The following ENDOV variants were observed in gnomAD, a reference collection of about 807,000 sequenced individuals.
The protein encoded by ENDOV is endonuclease V, also known as hEndoV.
Under a neutral mutation model 39.4 loss-of-function variants are expected in ENDOV, and 37 were observed. That is an observed-to-expected ratio of 0.94 (90% CI 0.72 to 1.23). The LOEUF (loss-of-function observed/expected upper bound fraction) is 1.23, where lower values mean the gene tolerates loss of function less well. ENDOV is among the 50% of genes most tolerant of loss of function. ENDOV has a pLI of 0.00. For synonymous variants in ENDOV, 186 were observed against 163.4 expected (o/e 1.14, Z -1.05); for missense variants, 441 against 375.7 (o/e 1.17, Z -1.44).
chr17:80,428,594 A>T lies in ENDOV; in HGVS notation c.715-2A>T. The T allele has an allele frequency of 1.3e-6, 2 of 1,579,556 alleles. No homozygotes were observed. Among genetic ancestry groups the T allele is most frequent in the South Asian group, 2.3e-5 (2 of 86,024 alleles). On this transcript the variant is annotated splice_acceptor_variant, in intron 7 of 9. Transcript: ENST00000518137. LOFTEE classifies it high-confidence loss of function. ...ACCCAGCAGCACGTCTGTCTCCCCCAGGCTGACATCTGCTCCCGAGAGCAC... is the reference window on the plus strand; with the variant it reads ...ACCCAGCAGCACGTCTGTCTCCCCCTGGCTGACATCTGCTCCCGAGAGCAC...
intron 2 of ENDOV, chr17:80,418,351 G>A (rs1037437664): frequency 5.9e-4 from 90 of 152,324 alleles, no homozygotes; most frequent in African/African-American, 2.1e-3. Context: ...TCTGCATCCT[G>A]GGCCTCTTTT....
At chr17:80,435,168 T>C (rs924457502) in intron 9 of ENDOV, among the ~76,000 whole-genome samples, 2 of 152,208 alleles carry the variant, frequency 1.3e-5, no homozygotes, top group African/African-American at 2.4e-5. Flanking sequence ...TTTACAAATA[T>C]TTTTTCCTGT....
At chr17:80,425,341 GGGT>G in intron 6 of ENDOV, 148 bp from the exon 7 acceptor site, 2 of 1,209,458 alleles carry the variant, frequency 1.7e-6, no homozygotes, top group Non-Finnish European at 2.3e-6. Flanking sequence ...GGCGCCCTGA[GGGT>G]GGGCAGGCCC....
chr17:80,435,340 T>C (rs138522430), intron 9 of ENDOV, among the ~76,000 whole-genome samples: 91 of 152,352 alleles, frequency 6.0e-4, no homozygotes, highest in African/African-American at 2.0e-3. Context: ...TTCTAAGAAA[T>C]GTATAGTTTT....
intron 9 of ENDOV, 101 bp from the exon 10 acceptor site, chr17:80,436,032 G>A: frequency 1.5e-6 from 2 of 1,345,750 alleles, no homozygotes; most frequent in Non-Finnish European, 2.1e-6. Context: ...TGAGATTACA[G>A]GCGCGAGCCA....
intron 2 of ENDOV, among the ~76,000 whole-genome samples, chr17:80,421,259 G>GGTCCC (rs2081978905): frequency 6.7e-6 from 1 of 148,258 alleles, no homozygotes. Flanking sequence ...CTATGAACTA[G>GGTCCC]ATCCCGGGGA....
intron 2 of ENDOV, chr17:80,419,586 T>G: frequency 2.8e-6 from 2 of 702,948 alleles, no homozygotes; most frequent in Non-Finnish European, 5.2e-6. Context: ...CATCGATCAG[T>G]TCTGCCTTCA....
intron 9 of ENDOV, among the ~76,000 whole-genome samples, chr17:80,433,648 C>T (rs1000536666): frequency 5.9e-5 from 9 of 152,222 alleles, no homozygotes; most frequent in African/African-American, 1.9e-4. Flanking sequence ...ATGTGGTAGG[C>T]TTTGCACAAA....
chr17:80,427,019 C>G (rs941936526), intron 7 of ENDOV, among the ~76,000 whole-genome samples: 1 of 152,226 alleles, frequency 6.6e-6, no homozygotes, highest in African/African-American at 2.4e-5. Context: ...ACCTTCGGGC[C>G]GGGGCCTTCC....
intron 8 of ENDOV, among the ~76,000 whole-genome samples, chr17:80,429,380 G>C (rs1269127852): frequency 6.6e-6 from 1 of 152,226 alleles, no homozygotes; most frequent in Admixed American, 6.5e-5. Flanking sequence ...TCCAGGCTGA[G>C]AGGACACCCC....
At chr17:80,428,022 CG>C (rs2082936118) in intron 7 of ENDOV, among the ~76,000 whole-genome samples, 1 of 152,218 alleles carries the variant, frequency 6.6e-6, no homozygotes, top group Admixed American at 6.5e-5. Flanking sequence ...CCCATGCCCC[CG>C]GGGGTTCCCA....
chr17:80,430,120 G>A (rs1457781952), intron 9 of ENDOV: 2 of 1,531,146 alleles, frequency 1.3e-6, no homozygotes, highest in Non-Finnish European at 1.7e-6. Context: ...ACCAGGTGGG[G>A]CAGAGGTGAC....
chr17:80,436,469 GT>G lies in ENDOV; in HGVS notation c.*331del. 7 of 900,500 alleles carry G rather than the reference GT, an allele frequency of 7.8e-6. No homozygotes were observed. The highest frequency in any genetic ancestry group is 1.8e-5 in the South Asian group (1 of 56,686). 55.8% of individuals were successfully genotyped at this position (900,500 alleles called of 1,614,324 possible). ...CCCTTCTAGTCCTAATTTGTTAAGT[GT>G]TTTTATCCTTAAAGGGTACTGGATT... On this transcript the variant is annotated 3_prime_UTR_variant, in exon 10 of 10. Transcript: ENST00000518137.
intron 9 of ENDOV, chr17:80,430,168 G>A: frequency 6.7e-7 from 1 of 1,496,982 alleles, no homozygotes; most frequent in African/African-American, 1.4e-5. Flanking sequence ...CTGGTCAGCT[G>A]TGGTCACGGT....
At chr17:80,435,524 G>A (rs1490222684) in intron 9 of ENDOV, among the ~76,000 whole-genome samples, 71 of 152,124 alleles carry the variant, frequency 4.7e-4, no homozygotes, top group Admixed American at 4.6e-3. Context: ...GTGTGATCAT[G>A]GCTCACTGCA....
chr17:80,435,530 C>T, intron 9 of ENDOV, among the ~76,000 whole-genome samples: 1 of 152,164 alleles, frequency 6.6e-6, no homozygotes, highest in East Asian at 1.9e-4. Context: ...TCATGGCTCA[C>T]TGCAGCCTCG....
intron 4 of ENDOV, among the ~76,000 whole-genome samples, 195 bp downstream of exon 4, chr17:80,422,440 C>A (rs941670629): frequency 2.6e-5 from 4 of 152,270 alleles, no homozygotes; most frequent in Non-Finnish European, 5.9e-5. Context: ...AAAGGACTGT[C>A]TACTTTCGCT....
chr17:80,421,310 C>A (rs1178130723), intron 2 of ENDOV, among the ~76,000 whole-genome samples: 1 of 125,520 alleles, frequency 8.0e-6, no homozygotes, highest in South Asian at 2.6e-4. Flanking sequence ...CTCATACAGA[C>A]CAGATCCCGG....
chr17:80,419,090 G>C (rs1031094322), intron 2 of ENDOV, among the ~76,000 whole-genome samples: 1 of 150,902 alleles, frequency 6.6e-6, no homozygotes, highest in African/African-American at 2.4e-5. Context: ...GGAGAATGGC[G>C]TGAACCTGGG....
Sources: allele counts gnomAD v4.1 joint callset (sites outside exome capture counted in the v4.1 genomes callset), GRCh38; gene constraint gnomAD v4.1.1; transcripts MANE v1.5; gene names NCBI Gene and HGNC (gene_info 2026-07-23, HGNC 2026-07-21).